DAPK1: variants seen among roughly 807,000 people sequenced by gnomAD.
DAPK1 encodes the protein death-associated protein kinase 1.
A neutral mutation model predicts 144.9 loss-of-function variants in DAPK1; 56 were observed. That is an observed-to-expected ratio of 0.39 (90% CI 0.31 to 0.48). The LOEUF is 0.48. Among genes scored for constraint, DAPK1 ranks in the 20% least tolerant of loss-of-function variants. DAPK1 has a pLI of 0.95. For synonymous variants in DAPK1, 690 were observed against 749.0 expected (o/e 0.92, Z 1.29); for missense variants, 1,454 against 1,875.4 (o/e 0.78, Z 4.15).
chr9:87,601,994 G>A (rs1466300029), intron 2 of DAPK1, among the ~76,000 whole-genome samples: 1 of 152,170 alleles, frequency 6.6e-6, no homozygotes, highest in African/African-American at 2.4e-5. Context: ...GAGCCTGGCA[G>A]CCCTTTGTCC....
chr9:87,592,765 G>A (rs555724419), intron 2 of DAPK1, among the ~76,000 whole-genome samples: 17 of 151,974 alleles, frequency 1.1e-4, no homozygotes, highest in Non-Finnish European at 1.8e-4. Flanking sequence ...CAGGCTTCCC[G>A]GGAGCTCCGG....
At position 87,650,064 on chromosome 9, in the gene DAPK1, C is replaced by T. The variant is rs1293805157; in HGVS notation, c.1572C>T (p.His524=). 21 of 1,613,984 alleles carry T rather than the reference C, an allele frequency of 1.3e-5. No individual in the cohort carries two copies. Among genetic ancestry groups the T allele is most frequent in the African/African-American group, 5.3e-5 (4 of 74,912 alleles). ...TGACAGCCTCTGCCAGGGGCTACCA[C>T]GACATCGTGGAGTGTCTGGCCGAAC... ...PLLTASARGY[H]DIVECLAEHG... Residue 524 remains histidine, a synonymous_variant, in exon 16 of 26, where the codon CAC becomes CAT. Transcript: ENST00000408954.
At chr9:87,557,454 G>A (rs114500416) in intron 2 of DAPK1, among the ~76,000 whole-genome samples, 78 of 152,252 alleles carry the variant, frequency 5.1e-4, no homozygotes, top group African/African-American at 1.7e-3. Context: ...TCTTTTGTGA[G>A]CTCTAAAACC....
chr9:87,699,838 G>A (rs1825398356), intron 23 of DAPK1, among the ~76,000 whole-genome samples: 2 of 152,118 alleles, frequency 1.3e-5, no homozygotes, highest in African/African-American at 4.8e-5. Context: ...CCTGCCTCGG[G>A]AGAAGCTGAC....
chr9:87,549,887 CT>C (rs1826411034), intron 2 of DAPK1, among the ~76,000 whole-genome samples: 1 of 152,122 alleles, frequency 6.6e-6, no homozygotes, highest in African/African-American at 2.4e-5. Flanking sequence ...TTTTTTTTAT[CT>C]TTCCCTCTGT....
intron 17 of DAPK1, among the ~76,000 whole-genome samples, chr9:87,655,430 C>T (rs1435124264): frequency 2.0e-5 from 3 of 152,088 alleles, no homozygotes; most frequent in Admixed American, 2.0e-4. Context: ...TAACAGAAGG[C>T]ATCGCTTCCT....
intron 3 of DAPK1, chr9:87,633,421 G>A (rs866466631): frequency 2.0e-6 from 2 of 980,456 alleles, no homozygotes; most frequent in East Asian, 1.1e-4. Context: ...TGACCTAGTG[G>A]GATAGGGACT....
At chr9:87,578,060 G>A (rs36204202) in intron 2 of DAPK1, among the ~76,000 whole-genome samples, 2,720 of 152,148 alleles carry the variant, frequency 0.018, 61 homozygotes, top group African/African-American at 0.058. Context: ...GATATTTTTC[G>A]GTGGCAGCCT....
intron 9 of DAPK1, among the ~76,000 whole-genome samples, chr9:87,641,684 A>G (rs948394422): frequency 1.3e-5 from 2 of 152,144 alleles, no homozygotes; most frequent in Non-Finnish European, 2.9e-5. Flanking sequence ...TAGCCTCACC[A>G]TGAATATTGC....
intron 18 of DAPK1, among the ~76,000 whole-genome samples, chr9:87,659,075 C>T (rs1830735607): frequency 6.6e-6 from 1 of 152,240 alleles, no homozygotes; most frequent in South Asian, 2.1e-4. Flanking sequence ...GTGACAGAGA[C>T]CATATGGGCC....
chr9:87,527,599 C>T (rs1825559585), intron 2 of DAPK1, among the ~76,000 whole-genome samples: 1 of 152,198 alleles, frequency 6.6e-6, no homozygotes, highest in Non-Finnish European at 1.5e-5. Flanking sequence ...GGAAGGTGAG[C>T]TGGCAAAAGA....
intron 2 of DAPK1, among the ~76,000 whole-genome samples, chr9:87,594,583 T>C (rs1427714524): frequency 6.6e-6 from 1 of 152,244 alleles, no homozygotes; most frequent in Non-Finnish European, 1.5e-5. Context: ...CTAAGGAGTC[T>C]GCCAGGCTCC....
intron 13 of DAPK1, 86 bp downstream of exon 13, chr9:87,646,645 T>C: frequency 2.0e-6 from 2 of 1,016,640 alleles, no homozygotes; most frequent in Admixed American, 4.1e-5. Flanking sequence ...GAAAAAAATT[T>C]ATGTCCTAAC....
At chr9:87,540,061 A>G (rs1825990537) in intron 2 of DAPK1, among the ~76,000 whole-genome samples, 2 of 151,924 alleles carry the variant, frequency 1.3e-5, no homozygotes, top group Admixed American at 1.3e-4. Flanking sequence ...TTATTTACTA[A>G]GGTTGCGAAG....
chr9:87,614,324 C>T (rs891954279), intron 3 of DAPK1, among the ~76,000 whole-genome samples: 1 of 152,186 alleles, frequency 6.6e-6, no homozygotes, highest in Non-Finnish European at 1.5e-5. Context: ...ACTTTAGTAT[C>T]TGCCATGATG....
At chr9:87,696,057 A>G (rs1825246975) in intron 21 of DAPK1, among the ~76,000 whole-genome samples, 1 of 152,176 alleles carries the variant, frequency 6.6e-6, no homozygotes, top group South Asian at 2.1e-4. Context: ...TGGTGTTCAC[A>G]CTTCTGCGTA....
chr9:87,703,208 C>A lies in DAPK1; in HGVS notation c.3051C>A (p.Ser1017Arg). The change falls in exon 25 of 26, where the codon AGC becomes AGA. Residue 1017 changes from serine to arginine, a missense_variant. Physicochemically the swap from Ser to Arg is moderately radical, Grantham distance 110 (BLOSUM62 -1). This residue lies in a region of DAPK1 where 1,025 missense variants were observed against 1,237.9 expected (regional missense o/e 0.83). Coordinates refer to ENST00000408954, the MANE Select transcript of DAPK1 (RefSeq NM_004938.4). ...GGCGCATTGCTCAGCAGCTCCACAG[C>A]ACAGGCGAGGTGAGCCCCTGGGAGC... The part of the protein sequence containing the change: ...DLRRIAQQLH[S>R]TGEINIMQSE... 6.2e-7 allele frequency: 1 copy of A among 1,606,948 alleles called. No individual in the cohort carries two copies. The highest frequency in any genetic ancestry group is 8.5e-7 in the Non-Finnish European group (1 of 1,173,530).
In DAPK1 at chr9:87,540,183, C is replaced by CTTTT. The variant is rs33925780; in HGVS notation, c.62+41065_62+41068dup. 4.4e-3 allele frequency among the ~76,000 whole-genome samples: 290 copies of CTTTT among 66,186 alleles called. 8 individuals carry two copies. The highest frequency in any genetic ancestry group is 0.015 in the African/African-American group (257 of 17,196). 43.4% of individuals were successfully genotyped at this position (66,186 alleles called of 152,430 possible). The stretch of plus-strand genomic sequence containing the variant: ...TATTGCTAATTATTGTTGTTAATCT[C>CTTTT]TTTTTTTTTTTTTTTTTTTTTTTTG... On this transcript the variant is annotated intron_variant, in intron 2 of 25. Transcript: ENST00000408954.
chr9:87,578,575 G>C (rs1827641271), intron 2 of DAPK1, among the ~76,000 whole-genome samples: 1 of 152,184 alleles, frequency 6.6e-6, no homozygotes, highest in South Asian at 2.1e-4. Flanking sequence ...GTTTCCAGAA[G>C]GGTTGTGTTG....
Sources: gnomAD v4.1 joint callset for allele counts (sites outside exome capture counted in the v4.1 genomes callset) on GRCh38, gnomAD v4.1.1 for gene constraint, gnomAD v4.1.1 regional missense constraint, MANE v1.5 for transcripts, NCBI Gene and HGNC (gene_info 2026-07-23, HGNC 2026-07-21) for gene names.